Variants in CNTNAP5 observed in about 807,000 individuals in gnomAD.
CNTNAP5 encodes the protein contactin-associated protein-like 5.
In CNTNAP5, 72 loss-of-function variants were observed where a neutral mutation model predicts 150.2. The observed-to-expected ratio is 0.48, with a 90% CI of 0.40 to 0.58. The LOEUF (loss-of-function observed/expected upper bound fraction) is 0.58. CNTNAP5 is among the 20% of genes least tolerant of loss of function. The pLI is 0.00. For synonymous variants in CNTNAP5, 672 were observed against 619.8 expected, an observed-to-expected ratio of 1.08 and a Z score of -1.25; for missense variants, 1,636 against 1,626.2, an observed-to-expected ratio of 1.01 and a Z score of -0.10.
At chr2:124,523,963 T>G (rs1178114907) in intron 8 of CNTNAP5, among the ~76,000 whole-genome samples, 2 of 81,246 alleles carry the variant, frequency 2.5e-5, no homozygotes, top group Middle Eastern at 5.5e-3. Context: ...TTTATTTTTG[T>G]TTTTTTTTTT....
At chr2:124,275,936 G>T (rs544794853) in intron 3 of CNTNAP5, among the ~76,000 whole-genome samples, 1 of 152,226 alleles carries the variant, frequency 6.6e-6, no homozygotes, top group Admixed American at 6.6e-5. Context: ...ACTTTTAGTT[G>T]CCCTGCCAAG....
chr2:124,282,635 C>G (rs1262864719), intron 3 of CNTNAP5, among the ~76,000 whole-genome samples: 3 of 145,398 alleles, frequency 2.1e-5, no homozygotes, highest in Non-Finnish European at 3.0e-5. Flanking sequence ...TTTTTTTTTG[C>G]ATGAATGTTT....
intron 1 of CNTNAP5, among the ~76,000 whole-genome samples, chr2:124,125,551 C>A (rs1156930081): frequency 6.6e-6 from 1 of 152,136 alleles, no homozygotes; most frequent in Non-Finnish European, 1.5e-5. Flanking sequence ...CTCAGATCTG[C>A]ACCAAGTGGA....
chr2:124,028,191 C>T lies in CNTNAP5; in HGVS notation c.82+2459C>T, dbSNP rs575308996. Among the ~76,000 whole-genome samples the T allele has an allele frequency of 5.9e-5, 9 of 152,124 alleles. No individual in the cohort carries two copies. The East Asian group carries it at 1.7e-3, about 29-fold the overall frequency. ...AATGGATTTACTAACCCAATATTTT[C>T]CATAGTATATAGTTGCACTGTGGAC... On this transcript the variant is annotated intron_variant, in intron 1 of 23. Transcript: ENST00000682447.
chr2:124,371,136 A>C (rs1399156934), intron 3 of CNTNAP5, among the ~76,000 whole-genome samples: 1 of 152,124 alleles, frequency 6.6e-6, no homozygotes, highest in Non-Finnish European at 1.5e-5. Flanking sequence ...CTTCAGGGGA[A>C]GGTCAGAAAA....
chr2:124,635,261 G>T (rs186072122), intron 12 of CNTNAP5, among the ~76,000 whole-genome samples: 11 of 152,200 alleles, frequency 7.2e-5, no homozygotes, highest in Admixed American at 3.9e-4. Context: ...GTAGGGAGAG[G>T]CTACACACTT....
chr2:124,489,264 A>G (rs1022014987), intron 7 of CNTNAP5, among the ~76,000 whole-genome samples: 1 of 152,164 alleles, frequency 6.6e-6, no homozygotes, highest in Non-Finnish European at 1.5e-5. Context: ...ATTTTCCCAC[A>G]GTTCTGGAAG....
At chr2:124,787,383 A>G (rs111508455) in intron 17 of CNTNAP5, among the ~76,000 whole-genome samples, 1 of 152,204 alleles carries the variant, frequency 6.6e-6, no homozygotes, top group South Asian at 2.1e-4. Context: ...AGATTTACTT[A>G]CCAAAATTGA....
At chr2:124,609,719 A>G in intron 11 of CNTNAP5, 82 bp from the exon 12 acceptor site, 1 of 1,481,572 alleles carries the variant, frequency 6.7e-7, no homozygotes, top group Non-Finnish European at 9.2e-7. Context: ...CATAGAGCAA[A>G]TCTAAGTAGG....
chr2:124,683,899 A>G (rs1002456840), intron 13 of CNTNAP5, among the ~76,000 whole-genome samples: 2 of 152,208 alleles, frequency 1.3e-5, no homozygotes, highest in East Asian at 1.9e-4. Flanking sequence ...CATTTTATCT[A>G]CATGATGCCA....
At chr2:124,330,970 T>C (rs1219954108) in intron 3 of CNTNAP5, among the ~76,000 whole-genome samples, 1 of 152,184 alleles carries the variant, frequency 6.6e-6, no homozygotes, top group African/African-American at 2.4e-5. Flanking sequence ...TACTTGATGT[T>C]GAGTTAGCAA....
intron 12 of CNTNAP5, among the ~76,000 whole-genome samples, chr2:124,614,114 A>G (rs2104988751): frequency 6.6e-6 from 1 of 152,342 alleles, no homozygotes; most frequent in Admixed American, 6.5e-5. Flanking sequence ...TTTACTCAAT[A>G]TAAATTTGGG....
At chr2:124,136,235 A>C (rs1259411450) in intron 1 of CNTNAP5, among the ~76,000 whole-genome samples, 1 of 152,218 alleles carries the variant, frequency 6.6e-6, no homozygotes, top group Non-Finnish European at 1.5e-5. Context: ...AAAGCTTGAG[A>C]AATGGCTTCA....
intron 3 of CNTNAP5, among the ~76,000 whole-genome samples, chr2:124,352,077 C>A (rs1386616440): frequency 1.3e-5 from 2 of 151,820 alleles, no homozygotes; most frequent in Non-Finnish European, 2.9e-5. Context: ...TTCTGGGGAA[C>A]ACGAATGACC....
At position 124,900,050 on chromosome 2, in the gene CNTNAP5, T is replaced by C. The variant is rs1008663726; in HGVS notation, c.3437-2832T>C. On this transcript the variant is annotated intron_variant, in intron 21 of 23. Coordinates refer to ENST00000682447, the MANE Select transcript of CNTNAP5 (RefSeq NM_001367498.1). ...GCATTTAAAATCATAAAGACTTGGGTTTAAATCTCAACCCTGCTACGTGAT... is the reference window on the plus strand; with the variant it reads ...GCATTTAAAATCATAAAGACTTGGGCTTAAATCTCAACCCTGCTACGTGAT... Among the ~76,000 whole-genome samples, 31 of 151,288 alleles carry C rather than the reference T, an allele frequency of 2.0e-4. 1 individual carries two copies. The highest frequency in any genetic ancestry group is 7.4e-4 in the African/African-American group (30 of 40,740).
intron 3 of CNTNAP5, among the ~76,000 whole-genome samples, chr2:124,354,304 G>A (rs1432862882): frequency 6.6e-6 from 1 of 152,130 alleles, no homozygotes; most frequent in Non-Finnish European, 1.5e-5. Context: ...CAGAGCACAA[G>A]AGAACTAGAG....
At chr2:124,225,642 C>G (rs190325079) in intron 2 of CNTNAP5, among the ~76,000 whole-genome samples, 7 of 152,270 alleles carry the variant, frequency 4.6e-5, no homozygotes, top group Admixed American at 3.9e-4. Context: ...AGTGAGAACA[C>G]AAGACCTACT....
chr2:124,199,413 C>CTTTTTTTTT (rs70996049), intron 1 of CNTNAP5, among the ~76,000 whole-genome samples: 21 of 110,032 alleles, frequency 1.9e-4, no homozygotes, highest in Non-Finnish European at 2.4e-4. Flanking sequence ...TTCCAAGGTT[C>CTTTTTTTTT]TTTTTTTTTT....
chr2:124,063,820 C>T (rs1284075757), intron 1 of CNTNAP5, among the ~76,000 whole-genome samples: 1 of 152,104 alleles, frequency 6.6e-6, no homozygotes, highest in South Asian at 2.1e-4. Flanking sequence ...GGGCACAGGA[C>T]ATTCCACATT....
Sources: allele counts gnomAD v4.1 joint callset (sites outside exome capture counted in the v4.1 genomes callset), GRCh38; gene constraint gnomAD v4.1.1; transcripts MANE v1.5; gene names NCBI Gene and HGNC (gene_info 2026-07-23, HGNC 2026-07-21).